EPC2: variants seen among roughly 807,000 people sequenced by gnomAD.
EPC2 encodes the protein enhancer of polycomb homolog 2.
EPC2 carries 14 observed loss-of-function variants against 92.1 expected under a neutral mutation model. The ratio of observed to expected loss-of-function variants is 0.15; its 90% CI spans 0.10 to 0.24. EPC2 has a LOEUF of 0.24. EPC2 is among the 10% of genes least tolerant of loss of function. The pLI is 1.00. For synonymous variants in EPC2, 340 were observed against 334.7 expected (o/e 1.02, Z -0.17); for missense variants, 755 against 971.5 (o/e 0.78, Z 2.96).
chr2:148,770,708 C>T lies in EPC2; in HGVS notation c.1231-84C>T, dbSNP rs954577194. On this transcript the variant is annotated intron_variant, in intron 8 of 13. Coordinates refer to ENST00000258484, the MANE Select transcript of EPC2 (RefSeq NM_015630.4). ...AATTGTTCTGCTAATGTTGCAGTTA[C>T]TTCATGTTTATCATGATCTAACCTG... is the stretch of plus-strand genomic sequence containing the variant. 16 of 1,368,042 alleles carry T rather than the reference C, an allele frequency of 1.2e-5. No individual in the cohort carries two copies. In the African/African-American group the frequency reaches 2.2e-4, roughly 19 times the overall value. The allele number at this position is 1,368,042 out of a possible 1,614,324, so 84.7% of individuals were successfully genotyped here.
chr2:148,667,481 C>G (rs1340133237), intron 1 of EPC2, among the ~76,000 whole-genome samples: 1 of 152,042 alleles, frequency 6.6e-6, no homozygotes, highest in African/African-American at 2.4e-5. Flanking sequence ...ATTTTATATC[C>G]TTCAATATTA....
intron 1 of EPC2, among the ~76,000 whole-genome samples, chr2:148,685,215 A>G (rs1477573336): frequency 6.7e-6 from 1 of 148,956 alleles, no homozygotes; most frequent in African/African-American, 2.5e-5. Context: ...TTATTGAACA[A>G]AAATTTTTAA....
chr2:148,758,550 C>T (rs1300186233), intron 4 of EPC2, among the ~76,000 whole-genome samples: 1 of 152,056 alleles, frequency 6.6e-6, no homozygotes, highest in Non-Finnish European at 1.5e-5. Flanking sequence ...CGCTTGCCAC[C>T]ACACCCGGGT....
intron 8 of EPC2, among the ~76,000 whole-genome samples, chr2:148,769,790 T>C (rs1683481695): frequency 6.6e-6 from 1 of 152,230 alleles, no homozygotes; most frequent in Admixed American, 6.5e-5. Flanking sequence ...CAATGAGATA[T>C]AATGTAGCAT....
intron 1 of EPC2, among the ~76,000 whole-genome samples, chr2:148,654,257 T>A (rs1035411223): frequency 6.6e-6 from 1 of 152,190 alleles, no homozygotes; most frequent in Non-Finnish European, 1.5e-5. Context: ...AAGATTACAT[T>A]TTTTTGTAAA....
At chr2:148,739,992 C>G (rs1342215993) in intron 2 of EPC2, among the ~76,000 whole-genome samples, 3 of 151,644 alleles carry the variant, frequency 2.0e-5, no homozygotes, top group Non-Finnish European at 4.4e-5. Flanking sequence ...CTGTCTGCCC[C>G]CTTCTTTATG....
intron 1 of EPC2, among the ~76,000 whole-genome samples, chr2:148,671,003 G>C (rs1681143124): frequency 6.6e-6 from 1 of 152,086 alleles, no homozygotes; most frequent in South Asian, 2.1e-4. Flanking sequence ...TCTCATTCTT[G>C]ACTAATACAT....
chr2:148,664,243 A>T (rs1681014158), intron 1 of EPC2, among the ~76,000 whole-genome samples: 1 of 152,336 alleles, frequency 6.6e-6, no homozygotes. Flanking sequence ...TCACACCTGT[A>T]ATCCCAGCAG....
chr2:148,715,407 G>A (rs1682237642), intron 2 of EPC2, among the ~76,000 whole-genome samples: 1 of 152,102 alleles, frequency 6.6e-6, no homozygotes, highest in African/African-American at 2.4e-5. Context: ...TGTTTTTGGT[G>A]TAAGGAAGGG....
chr2:148,778,276 C>T (rs989191253), intron 10 of EPC2, among the ~76,000 whole-genome samples: 4 of 152,148 alleles, frequency 2.6e-5, no homozygotes, highest in African/African-American at 9.7e-5. Flanking sequence ...CAGAGAATCT[C>T]AGTTTCCCTT....
At chr2:148,708,939 C>T (rs1460820853) in intron 2 of EPC2, among the ~76,000 whole-genome samples, 1 of 151,934 alleles carries the variant, frequency 6.6e-6, no homozygotes, top group Non-Finnish European at 1.5e-5. Flanking sequence ...TGGCACAAGA[C>T]AGGGATGCCC....
intron 6 of EPC2, among the ~76,000 whole-genome samples, chr2:148,763,845 A>AT: frequency 6.6e-6 from 1 of 152,344 alleles, no homozygotes; most frequent in Non-Finnish European, 1.5e-5. Context: ...ATTGTTAAGC[A>AT]TTGCAATATG....
At position 148,652,312 on chromosome 2, in the gene EPC2, G is replaced by T. The variant is rs1478028235; in HGVS notation, c.153+7142G>T. On this transcript the variant is annotated intron_variant, in intron 1 of 13. Transcript: ENST00000258484. Reference sequence around the variant, plus strand: ...CCATGATTTGTCCCAAGGTGAATTTGTATACTTAGTGTGTTTTTACAAACC... The same window carrying T: ...CCATGATTTGTCCCAAGGTGAATTTTTATACTTAGTGTGTTTTTACAAACC... Among the ~76,000 whole-genome samples the T allele has an allele frequency of 2.0e-5, 3 of 152,182 alleles. No homozygotes were observed. In the East Asian group the frequency reaches 5.8e-4, roughly 29 times the overall value.
chr2:148,735,642 A>G (rs927018703), intron 2 of EPC2, among the ~76,000 whole-genome samples: 1 of 151,986 alleles, frequency 6.6e-6, no homozygotes, highest in Non-Finnish European at 1.5e-5. Context: ...ATGATTTTAT[A>G]GCCATCCCAA....
At chr2:148,681,027 A>G (rs1407032461) in intron 1 of EPC2, among the ~76,000 whole-genome samples, 2 of 152,196 alleles carry the variant, frequency 1.3e-5, no homozygotes, top group East Asian at 3.9e-4. Flanking sequence ...TTTATCCTGT[A>G]GATGGTGGGC....
rs386355296 is a variant in EPC2 at position 148,698,694 on chromosome 2, C to CTTTTT, written c.313+8335_313+8339dup. ...CTCTGATAGAAACTAAGAAAGTAAG[C>CTTTTT]TTTTTTTTTTTTTTTTTTGAGAAGC... On this transcript the variant is annotated intron_variant, in intron 2 of 13. Transcript: ENST00000258484. Among the ~76,000 whole-genome samples the CTTTTT allele has an allele frequency of 6.0e-3, 527 of 88,200 alleles. 12 individuals carry two copies. The highest frequency in any genetic ancestry group is 0.033 in the Middle Eastern group (2 of 60). The allele number at this position is 88,200 out of a possible 152,430, so 57.9% of individuals were successfully genotyped here.
intron 2 of EPC2, among the ~76,000 whole-genome samples, chr2:148,731,729 G>A (rs1001511244): frequency 2.0e-5 from 3 of 152,038 alleles, no homozygotes; most frequent in African/African-American, 4.8e-5. Context: ...TGAAAGTAGG[G>A]GCTTTGTATA....
At chr2:148,650,037 A>C (rs1387412518) in intron 1 of EPC2, among the ~76,000 whole-genome samples, 2 of 152,060 alleles carry the variant, frequency 1.3e-5, no homozygotes, top group African/African-American at 2.4e-5. Flanking sequence ...ATGTTATCTT[A>C]AGCATATAAG....
Position 148,683,155 on chromosome 2 carries a change from T to A in EPC2, c.154-7059T>A, listed in dbSNP as rs562240033. On this transcript the variant is annotated intron_variant, in intron 1 of 13. Coordinates refer to ENST00000258484, the MANE Select transcript of EPC2 (RefSeq NM_015630.4). Reference sequence around the variant, plus strand: ...GCTTGGAAAAGTCCTTTAGTAGTGATTTCTGAGATTTTGGTGCACCCATCA... The same window carrying A: ...GCTTGGAAAAGTCCTTTAGTAGTGAATTCTGAGATTTTGGTGCACCCATCA... Among the ~76,000 whole-genome samples the A allele has an allele frequency of 3.3e-5, 5 of 152,184 alleles. No individual in the cohort carries two copies. In the East Asian group the frequency reaches 9.7e-4, roughly 29 times the overall value.
Sources: gnomAD v4.1 joint callset for allele counts (sites outside exome capture counted in the v4.1 genomes callset) on GRCh38, gnomAD v4.1.1 for gene constraint, MANE v1.5 for transcripts, NCBI Gene and HGNC (gene_info 2026-07-23, HGNC 2026-07-21) for gene names.